DCAF8L2: variants seen among roughly 807,000 people sequenced by gnomAD.
DCAF8L2 encodes the protein DDB1- and CUL4-associated factor 8-like protein 2.
For missense variants in DCAF8L2, 430 were observed against 490.7 expected, an observed-to-expected ratio of 0.88 and a Z score of 1.17; for synonymous variants, 200 against 190.9, an observed-to-expected ratio of 1.05 and a Z score of -0.39.
At chrX:27,609,417 C>G (rs1423851603) in intron 1 of DCAF8L2, among the ~76,000 whole-genome samples, 1 of 111,630 alleles carries the variant, frequency 9.0e-6, no homozygotes, top group Non-Finnish European at 1.9e-5. Context: ...TCCTCCAGGT[C>G]CCTGATGATA....
chrX:27,585,265 T>G, the DCAF8L2 span, among the ~76,000 whole-genome samples: 1 of 111,417 alleles, frequency 9.0e-6, no homozygotes, highest in Admixed American at 9.6e-5. Flanking sequence ...CTAATCTTAC[T>G]TGTAGTCTCA....
At chrX:27,633,965 T>G (rs1928396422) in intron 2 of DCAF8L2, among the ~76,000 whole-genome samples, 1 of 111,735 alleles carries the variant, frequency 8.9e-6, no homozygotes, top group Admixed American at 9.5e-5. Context: ...GACAACCTTG[T>G]CAGAGCTAGT....
the DCAF8L2 span, among the ~76,000 whole-genome samples, chrX:27,527,525 A>G: frequency 9.0e-6 from 1 of 110,595 alleles, no homozygotes; most frequent in East Asian, 2.9e-4. Context: ...GGCTGCACCC[A>G]CTGTCCTGCT....
chrX:27,657,519 A>G (rs1262123686), intron 2 of DCAF8L2, among the ~76,000 whole-genome samples: 1 of 111,993 alleles, frequency 8.9e-6, no homozygotes, highest in Non-Finnish European at 1.9e-5. Context: ...CAAATACTCT[A>G]GTCTACCTGG....
intron 1 of DCAF8L2, among the ~76,000 whole-genome samples, chrX:27,598,945 G>A (rs1926492756): frequency 1.3e-5 from 1 of 78,302 alleles, no homozygotes; most frequent in Admixed American, 1.6e-4. Context: ...TATGGAAAAC[G>A]ATAGGAAAGT....
chrX:27,699,019 C>T (rs1293314812), intron 3 of DCAF8L2, among the ~76,000 whole-genome samples: 1 of 110,957 alleles, frequency 9.0e-6, no homozygotes, highest in African/African-American at 3.3e-5. Context: ...GGGGACTAGG[C>T]CAAAAGTACC....
the DCAF8L2 span, among the ~76,000 whole-genome samples, chrX:27,555,784 C>G: frequency 9.0e-6 from 1 of 111,603 alleles, no homozygotes; most frequent in Non-Finnish European, 1.9e-5. Flanking sequence ...TTGGGAGCAT[C>G]CAGTGGTGTT....
rs1038741252 is a variant in DCAF8L2, at chrX:27,741,587, T to C, written c.-58-5251T>C. Among the ~76,000 whole-genome samples, 6 of 111,752 alleles carry C rather than the reference T, an allele frequency of 5.4e-5. No homozygotes were observed. In the South Asian group the frequency reaches 1.1e-3, roughly 21 times the overall value. On this transcript the variant is annotated intron_variant, in intron 4 of 4. Transcript: ENST00000451261. Reference sequence around the variant, plus strand: ...CTGGATAAAACAAAGTTCCTTGTGCTAGCTAATCAAGCCTTCTTCCTGTTG... The same window carrying C: ...CTGGATAAAACAAAGTTCCTTGTGCCAGCTAATCAAGCCTTCTTCCTGTTG...
At chrX:27,655,319 G>T in intron 2 of DCAF8L2, among the ~76,000 whole-genome samples, 1 of 112,151 alleles carries the variant, frequency 8.9e-6, no homozygotes, top group Middle Eastern at 4.6e-3. Context: ...ATTATTAAAT[G>T]GTTTTAGCTT....
chrX:27,545,553 A>G, the DCAF8L2 span, among the ~76,000 whole-genome samples: 26 of 111,348 alleles, frequency 2.3e-4, no homozygotes, highest in Admixed American at 2.4e-3. Context: ...TGGGGGAGGA[A>G]CCTGGTAGGA....
chrX:27,642,569 C>T (rs1602690323), intron 2 of DCAF8L2, among the ~76,000 whole-genome samples: 1 of 110,882 alleles, frequency 9.0e-6, no homozygotes, highest in Non-Finnish European at 1.9e-5. Context: ...CTTTCTTTCA[C>T]TGCAATTCTC....
chrX:27,674,047 C>T (rs1310066873), intron 2 of DCAF8L2, among the ~76,000 whole-genome samples: 1 of 111,669 alleles, frequency 9.0e-6, no homozygotes, highest in Non-Finnish European at 1.9e-5. Flanking sequence ...AAATGTGGAT[C>T]ATTATCAGAA....
At chrX:27,720,012 T>A (rs1046935388) in intron 4 of DCAF8L2, among the ~76,000 whole-genome samples, 3 of 111,264 alleles carry the variant, frequency 2.7e-5, no homozygotes, top group African/African-American at 9.8e-5. Flanking sequence ...TTCAAGTGGT[T>A]TTGTATCTTT....
Position 27,747,770 on chromosome X carries a change from C to G in DCAF8L2, c.875C>G (p.Ala292Gly). ...NCGDSTLAMC[A>G]RDGQVRVAEL... ...GGTGATTCCACTCTGGCCATGTGTG[C>G]CCGTGATGGGCAGGTACGGGTAGCA... Residue 292 changes from alanine to glycine, a missense_variant, in exon 5 of 5, where the codon GCC (alanine) becomes GGC (glycine). Ala to Gly is a moderately conservative substitution (Grantham distance 60, BLOSUM62 0). Transcript: ENST00000451261. The G allele has an allele frequency of 8.3e-7, 1 of 1,210,299 alleles. No individual in the cohort carries two copies. The highest frequency in any genetic ancestry group is 1.1e-6 in the Non-Finnish European group (1 of 894,446).
At chrX:27,731,657 C>T (rs1461076070) in intron 4 of DCAF8L2, among the ~76,000 whole-genome samples, 1 of 111,027 alleles carries the variant, frequency 9.0e-6, no homozygotes, top group Admixed American at 9.6e-5. Context: ...CTCCAGCATC[C>T]CATTAGGGCA....
In DCAF8L2 at chrX:27,747,037, G is replaced by A; in HGVS notation, c.142G>A (p.Val48Met). 8.5e-7 allele frequency: 1 copy of A among 1,174,906 alleles called. No individual in the cohort carries two copies. Among genetic ancestry groups the A allele is most frequent in the Non-Finnish European group, 1.1e-6 (1 of 876,485 alleles). Residue 48 changes from valine (V) to methionine (M), a missense_variant, in exon 5 of 5, where the codon GTG becomes ATG. By Grantham distance (21) the Val-to-Met change is conservative. Transcript: ENST00000451261. ...TGACATAGCGACCTCAGAGCTGAGT[G>A]TGACAGTGACCGGAGATGGCAGTGA... ...DIDIATSELS[V>M]TVTGDGSDSR... is the part of the protein sequence containing the mutation.
At chrX:27,475,648 A>G in the DCAF8L2 span, among the ~76,000 whole-genome samples, 1 of 111,664 alleles carries the variant, frequency 9.0e-6, no homozygotes, top group Non-Finnish European at 1.9e-5. Context: ...CTTTTTTGAA[A>G]CCATACTTGG....
the DCAF8L2 span, among the ~76,000 whole-genome samples, chrX:27,512,778 G>GAAAAA: frequency 2.0e-3 from 5 of 2,523 alleles, no homozygotes; most frequent in East Asian, 0.029. Context: ...ACAATCTTGA[G>GAAAAA]CAAAAAAAAA....
intron 4 of DCAF8L2, among the ~76,000 whole-genome samples, chrX:27,732,814 T>G (rs185941019): frequency 0.012 from 1,385 of 111,276 alleles, 7 homozygotes; most frequent in Non-Finnish European, 0.02. Flanking sequence ...CCATAATGAC[T>G]ATACCAAATT....
Sources: allele counts gnomAD v4.1 joint callset (sites outside exome capture counted in the v4.1 genomes callset), GRCh38; gene constraint gnomAD v4.1.1; transcripts MANE v1.5; gene names NCBI Gene and HGNC (gene_info 2026-07-23, HGNC 2026-07-21).